Variants in CRB1 observed in about 807,000 individuals in gnomAD.
The protein encoded by CRB1 is protein crumbs homolog 1.
A neutral mutation model predicts 120.0 loss-of-function variants in CRB1; 83 were observed. That is an observed-to-expected ratio of 0.69 (90% CI 0.58 to 0.83). The LOEUF is 0.83. CRB1 is among the 40% of genes least tolerant of loss of function. The pLI is 0.00. For missense variants in CRB1, 1,699 were observed against 1,687.6 expected, an observed-to-expected ratio of 1.01 and a Z score of -0.12; for synonymous variants, 625 against 612.5, an observed-to-expected ratio of 1.02 and a Z score of -0.30.
chr1:197,454,796 G>A lies in CRB1; in HGVS notation c.4005+12504G>A, dbSNP rs989497407. Among the ~76,000 whole-genome samples, 19 of 151,978 alleles carry A rather than the reference G, an allele frequency of 1.3e-4. 1 individual carries two copies. The highest frequency in any genetic ancestry group is 3.1e-4 in the African/African-American group (13 of 41,380). On this transcript the variant is annotated intron_variant, in intron 11 of 11. Coordinates refer to ENST00000367400, the MANE Select transcript of CRB1 (RefSeq NM_201253.3). ...TGCCTTGGTACGATACTGGACTTAC[G>A]GAAACCGGTTTTTAAAATAATGCAT...
At chr1:197,454,872 A>T (rs1046539507) in intron 11 of CRB1, among the ~76,000 whole-genome samples, 4 of 152,200 alleles carry the variant, frequency 2.6e-5, no homozygotes, top group Non-Finnish European at 5.9e-5. Context: ...CAAAGCTCTG[A>T]GCTAGGCATG....
intron 1 of CRB1, among the ~76,000 whole-genome samples, chr1:197,289,698 C>T (rs1656052898): frequency 2.6e-5 from 4 of 151,576 alleles, no homozygotes; most frequent in Admixed American, 1.3e-4. Context: ...AACATATTTT[C>T]CTTTCATCTA....
In CRB1 at chr1:197,311,139, T is replaced by G. The variant is rs546985560; in HGVS notation, c.71-17283T>G. On this transcript the variant is annotated intron_variant, in intron 1 of 11. Coordinates refer to ENST00000367400, the MANE Select transcript of CRB1 (RefSeq NM_201253.3). ...ACAGTAGCCAAGACATGGAAATAACTTAAATGTTCCTTGCTGGATTCATAC... is the reference window on the plus strand; with the variant it reads ...ACAGTAGCCAAGACATGGAAATAACGTAAATGTTCCTTGCTGGATTCATAC... 3.3e-5 allele frequency among the ~76,000 whole-genome samples: 5 copies of G among 152,364 alleles called. No individual in the cohort carries two copies. The South Asian group carries it at 1.0e-3, about 32-fold the overall frequency.
At chr1:197,207,083 A>G in the CRB1 span, among the ~76,000 whole-genome samples, 1 of 152,024 alleles carries the variant, frequency 6.6e-6, no homozygotes, top group African/African-American at 2.4e-5. Context: ...GTCCATTTGC[A>G]TGGAATATCT....
At chr1:197,475,487 T>G (rs141874915) in intron 11 of CRB1, among the ~76,000 whole-genome samples, 1 of 152,310 alleles carries the variant, frequency 6.6e-6, no homozygotes, top group Non-Finnish European at 1.5e-5. Flanking sequence ...CTTTGCTAAA[T>G]TTAGACCTAG....
At chr1:197,288,150 G>C (rs1655943259) in intron 1 of CRB1, among the ~76,000 whole-genome samples, 1 of 151,756 alleles carries the variant, frequency 6.6e-6, no homozygotes, top group African/African-American at 2.4e-5. Context: ...ATCTGCAGAA[G>C]CTCCTTTTAG....
the CRB1 span, among the ~76,000 whole-genome samples, chr1:197,204,022 A>G: frequency 6.6e-6 from 1 of 151,946 alleles, no homozygotes; most frequent in African/African-American, 2.4e-5. Flanking sequence ...TTTAGCTCCC[A>G]CTTATGAGTG....
chr1:197,417,382 G>T (rs925151426), intron 5 of CRB1, among the ~76,000 whole-genome samples: 2 of 152,240 alleles, frequency 1.3e-5, no homozygotes, highest in Non-Finnish European at 2.9e-5. Context: ...TTAAGGGTAC[G>T]TGAATCCTGT....
chr1:197,390,556 G>A (rs531043398), intron 5 of CRB1, among the ~76,000 whole-genome samples: 17 of 152,098 alleles, frequency 1.1e-4, no homozygotes, highest in African/African-American at 3.1e-4. Context: ...AGGGCTCCAA[G>A]GTTTGACCCA....
chr1:197,467,004 G>A (rs1218895119), intron 11 of CRB1, among the ~76,000 whole-genome samples: 2 of 152,164 alleles, frequency 1.3e-5, no homozygotes, highest in Non-Finnish European at 2.9e-5. Flanking sequence ...CTTAGTGTCT[G>A]GGAGAGGAGA....
chr1:197,276,962 G>T (rs1312961318), intron 1 of CRB1, among the ~76,000 whole-genome samples: 1 of 151,862 alleles, frequency 6.6e-6, no homozygotes, highest in African/African-American at 2.4e-5. Context: ...GCTCACACCA[G>T]CTTATTTATT....
chr1:197,476,632 C>G (rs1001006197), intron 11 of CRB1, among the ~76,000 whole-genome samples: 2 of 151,584 alleles, frequency 1.3e-5, no homozygotes, highest in Non-Finnish European at 2.9e-5. Context: ...TAATTTAAAC[C>G]AAGACACAGG....
At chr1:197,328,312 A>C (rs889615715) in intron 1 of CRB1, 110 bp from the exon 2 acceptor site, 1 of 808,428 alleles carries the variant, frequency 1.2e-6, no homozygotes, top group Non-Finnish European at 2.0e-6. Context: ...GAACCCAACT[A>C]TGTATTTTAT....
the CRB1 span, among the ~76,000 whole-genome samples, chr1:197,243,923 T>C: frequency 6.6e-6 from 1 of 152,192 alleles, no homozygotes. Context: ...TTCACTATTA[T>C]GTAATGGCCT....
At position 197,386,241 on chromosome 1, in the gene CRB1, T is replaced by C. The variant is rs542701203; in HGVS notation, c.1171+29228T>C. Among the ~76,000 whole-genome samples, 426 of 152,216 alleles carry C rather than the reference T, an allele frequency of 2.8e-3. 1 individual carries two copies. Among genetic ancestry groups the C allele is most frequent in the African/African-American group, 8.5e-3 (352 of 41,524 alleles). On this transcript the variant is annotated intron_variant, in intron 5 of 11. Transcript: ENST00000367400. The stretch of plus-strand genomic sequence containing the variant: ...GTAATTGTTCTGTGCTAATAATGGA[T>C]CTATTAATAAAGGATCAAACGATAT...
intron 11 of CRB1, chr1:197,477,462 C>T (rs1667244100): frequency 1.5e-6 from 1 of 678,944 alleles, no homozygotes; most frequent in Admixed American, 2.1e-5. Context: ...TGACTGTAGA[C>T]TTTAGATTCT....
At chr1:197,444,448 T>C (rs1665603333) in intron 11 of CRB1, 1 of 152,184 alleles carries the variant, frequency 6.6e-6, no homozygotes, top group Admixed American at 6.5e-5. Flanking sequence ...CCCATCAATA[T>C]TTACATTCAC....
At chr1:197,419,384 C>G (rs1433296700) in intron 5 of CRB1, among the ~76,000 whole-genome samples, 2 of 137,134 alleles carry the variant, frequency 1.5e-5, no homozygotes, top group African/African-American at 2.7e-5. Context: ...TTTTTTGAGA[C>G]AAGAGTCTCG....
At chr1:197,396,694 T>A (rs534857768) in intron 5 of CRB1, among the ~76,000 whole-genome samples, 1 of 152,196 alleles carries the variant, frequency 6.6e-6, no homozygotes, top group African/African-American at 2.4e-5. Flanking sequence ...AACAAAGGTG[T>A]AAAGCGAATC....
Sources: gnomAD v4.1 joint callset for allele counts (sites outside exome capture counted in the v4.1 genomes callset) on GRCh38, gnomAD v4.1.1 for gene constraint, MANE v1.5 for transcripts, NCBI Gene and HGNC (gene_info 2026-07-23, HGNC 2026-07-21) for gene names.